Variants in ARMC1 observed in about 807,000 individuals in gnomAD.
ARMC1 encodes the protein armadillo repeat-containing protein 1.
Under a neutral mutation model 31.4 loss-of-function variants are expected in ARMC1, and 16 were observed. That is an observed-to-expected ratio of 0.51 (90% confidence interval 0.34 to 0.77). The LOEUF (loss-of-function observed/expected upper bound fraction) is 0.77, where lower values mean the gene tolerates loss of function less well. Among genes scored for constraint, ARMC1 ranks in the 30% least tolerant of loss-of-function variants. ARMC1 has a pLI of 0.01. For synonymous variants in ARMC1, 114 were observed against 118.9 expected (o/e 0.96, Z 0.27); for missense variants, 259 against 347.5 (o/e 0.75, Z 2.02).
intron 2 of ARMC1, among the ~76,000 whole-genome samples, chr8:65,623,764 C>A (rs1808449869): frequency 1.4e-5 from 2 of 139,722 alleles, no homozygotes; most frequent in Admixed American, 7.4e-5. Context: ...ACCGTACATG[C>A]CAGAAGACAA....
chr8:65,615,502 C>T (rs540218893), intron 3 of ARMC1, among the ~76,000 whole-genome samples: 14 of 151,338 alleles, frequency 9.3e-5, no homozygotes, highest in African/African-American at 3.4e-4. Context: ...GTTAGGAGTT[C>T]GAGCCCAGCC....
rs780234012 is a variant in ARMC1 at position 65,627,360 on chromosome 8, G to A, written c.39C>T (p.Asp13=). Reference sequence around the variant, plus strand: ...GTAACTGGTTAACTACCGATAGAGCGTCAGGCTCTTCACTCATGGTGGAAG... The same window carrying A: ...GTAACTGGTTAACTACCGATAGAGCATCAGGCTCTTCACTCATGGTGGAAG... ...SSTSTMSEEP[D]ALSVVNQLRD... Residue 13 remains aspartate, a synonymous_variant, in exon 2 of 7, where the codon GAC becomes GAT. Coordinates refer to ENST00000276569, the MANE Select transcript of ARMC1 (RefSeq NM_018120.6). 67 of 1,606,118 alleles carry A rather than the reference G, an allele frequency of 4.2e-5. No individual in the cohort carries two copies. The East Asian group carries it at 6.7e-4, about 16-fold the overall frequency.
At chr8:65,606,580 CTG>C (rs975023243) in intron 4 of ARMC1, among the ~76,000 whole-genome samples, 2 of 152,162 alleles carry the variant, frequency 1.3e-5, no homozygotes, top group Non-Finnish European at 2.9e-5. Context: ...GACATACCCT[CTG>C]TGTGGTTCTC....
At position 65,627,444 on chromosome 8, in the gene ARMC1, G is replaced by C. The variant is rs77571043; in HGVS notation, c.-35-11C>G. On this transcript the variant is annotated splice_polypyrimidine_tract_variant and intron_variant, in intron 1 of 6. Transcript: ENST00000276569. ...ATAAAATCTTAAATTCTGTAGAAAAGGTTTGCAGAATTAGTTCTAGGCTGC... is the reference window on the plus strand; with the variant it reads ...ATAAAATCTTAAATTCTGTAGAAAACGTTTGCAGAATTAGTTCTAGGCTGC... 26 of 1,467,424 alleles carry C rather than the reference G, an allele frequency of 1.8e-5. No individual in the cohort carries two copies. The highest frequency in any genetic ancestry group is 4.5e-4 in the Middle Eastern group (2 of 4,478). The allele number at this position is 1,467,424 out of a possible 1,614,324, so 90.9% of individuals were successfully genotyped here.
intron 3 of ARMC1, among the ~76,000 whole-genome samples, chr8:65,620,799 T>TTAAAAAAAAAA: frequency 7.2e-6 from 1 of 139,182 alleles, no homozygotes; most frequent in East Asian, 2.0e-4. Flanking sequence ...TAGTTCCATT[T>TTAAAAAAAAAA]AAAAAAAAAC....
intron 1 of ARMC1, among the ~76,000 whole-genome samples, chr8:65,630,444 T>C (rs950199403): frequency 1.4e-4 from 21 of 152,334 alleles, no homozygotes; most frequent in African/African-American, 5.0e-4. Context: ...ATTAGATAAC[T>C]ATTCAGTAGG....
chr8:65,631,868 C>T (rs946442702), intron 1 of ARMC1, among the ~76,000 whole-genome samples: 12 of 132,056 alleles, frequency 9.1e-5, no homozygotes, highest in African/African-American at 3.3e-4. Context: ...GACAACATAG[C>T]AAGACCCTGT....
intron 4 of ARMC1, among the ~76,000 whole-genome samples, chr8:65,609,970 A>C (rs1808094197): frequency 6.6e-6 from 1 of 152,162 alleles, no homozygotes; most frequent in Admixed American, 6.5e-5. Flanking sequence ...CTACCCCTAA[A>C]TATGTAAAGT....
At chr8:65,624,981 T>C (rs1337592132) in intron 2 of ARMC1, among the ~76,000 whole-genome samples, 4 of 151,942 alleles carry the variant, frequency 2.6e-5, no homozygotes. Flanking sequence ...ATTAGCCACA[T>C]GTGATGGTGC....
chr8:65,622,170 G>A (rs577408732), intron 3 of ARMC1, 93 bp downstream of exon 3: 66 of 944,816 alleles, frequency 7.0e-5, no homozygotes, highest in Middle Eastern at 4.7e-4. Context: ...TGGAAGGATC[G>A]CTTGAACCCA....
At chr8:65,633,938 C>T (rs542795728) in intron 1 of ARMC1, 60 bp downstream of exon 1, 1 of 152,568 alleles carries the variant, frequency 6.6e-6, no homozygotes, top group East Asian at 1.9e-4. Flanking sequence ...GGTACAGGGG[C>T]CGCTTCCCGC....
At chr8:65,608,196 T>C (rs1487732183) in intron 4 of ARMC1, among the ~76,000 whole-genome samples, 3 of 152,192 alleles carry the variant, frequency 2.0e-5, no homozygotes, top group Admixed American at 1.3e-4. Flanking sequence ...AGGATAAAAC[T>C]AGATTGTTTC....
chr8:65,619,293 T>C lies in ARMC1; in HGVS notation c.275+2970A>G, dbSNP rs1333437458. On this transcript the variant is annotated intron_variant, in intron 3 of 6. Transcript: ENST00000276569. The stretch of plus-strand genomic sequence containing the variant: ...TTCACCCCTGTAATCCCAGCACTTA[T>C]AGAGAGGCCGAGTGCAGGTGGATCA... Among the ~76,000 whole-genome samples, 5 of 151,662 alleles carry C rather than the reference T, an allele frequency of 3.3e-5. No individual in the cohort carries two copies. The South Asian group carries it at 6.3e-4, about 19-fold the overall frequency.
chr8:65,629,400 C>A lies in ARMC1; in HGVS notation c.-35-1967G>T, dbSNP rs535420922. On this transcript the variant is annotated intron_variant, in intron 1 of 6. Coordinates refer to ENST00000276569, the MANE Select transcript of ARMC1 (RefSeq NM_018120.6). Reference sequence around the variant, plus strand: ...GAACAGAATGGTGGTAAAAGGCTGGCAGATAGGCAAAATGAGGAGATGAGG... The same window carrying A: ...GAACAGAATGGTGGTAAAAGGCTGGAAGATAGGCAAAATGAGGAGATGAGG... 6.6e-5 allele frequency among the ~76,000 whole-genome samples: 10 copies of A among 152,072 alleles called. No individual in the cohort carries two copies. The South Asian group carries it at 2.1e-3, about 31-fold the overall frequency.
chr8:65,617,920 G>GA (rs1808307878), intron 3 of ARMC1, among the ~76,000 whole-genome samples: 1 of 83,488 alleles, frequency 1.2e-5, no homozygotes, highest in Non-Finnish European at 2.5e-5. Context: ...TTTTTTCGGC[G>GA]GGGGGGGAGG....
intron 3 of ARMC1, among the ~76,000 whole-genome samples, chr8:65,620,699 C>T (rs916514747): frequency 9.2e-5 from 14 of 151,726 alleles, no homozygotes; most frequent in Admixed American, 6.6e-5. Context: ...CTTAAGCCAG[C>T]GCTCCTCTTC....
At chr8:65,624,507 A>AAAAAAAAAAAAAAT (rs1808472030) in intron 2 of ARMC1, among the ~76,000 whole-genome samples, 1 of 151,580 alleles carries the variant, frequency 6.6e-6, no homozygotes, top group Non-Finnish European at 1.5e-5. Flanking sequence ...TCAAAAAAAA[A>AAAAAAAAAAAAAAT]AAAAGACATT....
intron 4 of ARMC1, among the ~76,000 whole-genome samples, chr8:65,608,821 A>G (rs1012974904): frequency 2.0e-5 from 3 of 151,898 alleles, no homozygotes; most frequent in Admixed American, 6.6e-5. Context: ...AGGCAGGAGA[A>G]TTGCTTGAAC....
At chr8:65,624,103 C>T (rs1273728179) in intron 2 of ARMC1, among the ~76,000 whole-genome samples, 3 of 150,904 alleles carry the variant, frequency 2.0e-5, no homozygotes, top group Non-Finnish European at 4.4e-5. Context: ...CAGCCAAGAC[C>T]CTGTTTCAAA....
Sources: allele counts gnomAD v4.1 joint callset (sites outside exome capture counted in the v4.1 genomes callset), GRCh38; gene constraint gnomAD v4.1.1; transcripts MANE v1.5; gene names NCBI Gene and HGNC (gene_info 2026-07-23, HGNC 2026-07-21).